Variants in ZNF236 observed in about 807,000 individuals in gnomAD.
ZNF236 encodes regulated by glucose.
In ZNF236, 50 loss-of-function variants were observed where a neutral mutation model predicts 191.2. That is an observed-to-expected ratio of 0.26 (90% CI 0.21 to 0.33). The LOEUF (loss-of-function observed/expected upper bound fraction) is 0.33, where lower values mean the gene tolerates loss of function less well. ZNF236 is among the 10% of genes least tolerant of loss of function. The probability of loss-of-function intolerance (pLI) is 1.00; values close to 1 mark genes in which losing one functional copy is unlikely to be tolerated. For synonymous variants in ZNF236, 907 were observed against 928.8 expected, an observed-to-expected ratio of 0.98 and a Z score of 0.43; for missense variants, 1,754 against 2,374.5, an observed-to-expected ratio of 0.74 and a Z score of 5.43.
intron 21 of ZNF236, among the ~76,000 whole-genome samples, chr18:76,923,673 G>T (rs1967601147): frequency 6.6e-6 from 1 of 152,040 alleles, no homozygotes; most frequent in Admixed American, 6.6e-5. Context: ...GCCTCCTAGC[G>T]GTGGGGAGGC....
At chr18:76,859,665 G>A (rs1037276286) in intron 3 of ZNF236, among the ~76,000 whole-genome samples, 1 of 152,150 alleles carries the variant, frequency 6.6e-6, no homozygotes, top group African/African-American at 2.4e-5. Flanking sequence ...TGAAACTGAA[G>A]TACCTCAATC....
chr18:76,848,818 G>A (rs1181992815), intron 1 of ZNF236, among the ~76,000 whole-genome samples: 3 of 152,062 alleles, frequency 2.0e-5, no homozygotes, highest in Admixed American at 6.6e-5. Flanking sequence ...AATACGTGCC[G>A]CCATGCCTAG....
In ZNF236 at chr18:76,851,863, C is replaced by T. The variant is rs1975884975; in HGVS notation, c.287C>T (p.Thr96Ile). ...HKCTHSGEDP[T>I]CPVCNKKFSR... ...TGCACCCACAGCGGGGAAGATCCTA[C>T]CTGCCCTGTGTGTAACAAGAAATTC... Residue 96 changes from threonine to isoleucine, a missense_variant, in exon 3 of 31, where the codon ACC (threonine) becomes ATC (isoleucine). Around this residue, in one of 5 missense-constraint regions of ZNF236, gnomAD observed 336 missense variants for 495.1 expected, o/e 0.68. Coordinates refer to ENST00000320610, the MANE Select transcript of ZNF236 (RefSeq NM_001306089.2). 2 of 1,613,976 alleles carry T rather than the reference C, an allele frequency of 1.2e-6. No homozygotes were observed. Among genetic ancestry groups the T allele is most frequent in the Non-Finnish European group, 1.7e-6 (2 of 1,179,988 alleles).
At chr18:76,952,245 A>G (rs1968427303) in intron 27 of ZNF236, among the ~76,000 whole-genome samples, 1 of 152,232 alleles carries the variant, frequency 6.6e-6, no homozygotes. Flanking sequence ...AGCAAAGTTC[A>G]ATGAAAACAA....
chr18:76,862,564 G>A (rs1219109725), intron 3 of ZNF236, among the ~76,000 whole-genome samples: 2 of 152,054 alleles, frequency 1.3e-5, no homozygotes, highest in South Asian at 2.1e-4. Flanking sequence ...TTGGAAGCCC[G>A]GCTTCCATCC....
chr18:76,920,917 G>A (rs953217685), intron 20 of ZNF236, among the ~76,000 whole-genome samples: 5 of 152,194 alleles, frequency 3.3e-5, no homozygotes, highest in Non-Finnish European at 7.3e-5. Context: ...AAGTATCAGC[G>A]TTCTCCTGAA....
At chr18:76,933,199 T>G (rs1375148651) in intron 25 of ZNF236, among the ~76,000 whole-genome samples, 1 of 152,194 alleles carries the variant, frequency 6.6e-6, no homozygotes, top group Non-Finnish European at 1.5e-5. Context: ...CCGGGCATGG[T>G]GGGTCACGCC....
In ZNF236 at chr18:76,904,483, T is replaced by C; in HGVS notation, c.1998T>C (p.Arg666=). Reference sequence around the variant, plus strand: ...CATACAAGTGTTTTTACTGTCATCGTGCATATAAAAAATCTTGCCACCTTA... The same window carrying C: ...CATACAAGTGTTTTTACTGTCATCGCGCATATAAAAAATCTTGCCACCTTA... The part of the protein sequence containing the change: ...DRPYKCFYCH[R]AYKKSCHLKQ... The change falls in exon 12 of 31, where the codon CGT becomes CGC. Residue 666 remains arginine, a synonymous_variant. Transcript: ENST00000320610. 6.2e-7 allele frequency: 1 copy of C among 1,607,586 alleles called. No homozygotes were observed. Among genetic ancestry groups the C allele is most frequent in the East Asian group, 2.3e-5 (1 of 44,378 alleles).
At chr18:76,836,931 A>G (rs1041012536) in intron 1 of ZNF236, among the ~76,000 whole-genome samples, 1 of 152,030 alleles carries the variant, frequency 6.6e-6, no homozygotes, top group South Asian at 2.1e-4. Context: ...GCTGGAGTTC[A>G]GTGGTGCAGT....
chr18:76,878,335 C>G (rs1165821212), intron 7 of ZNF236, among the ~76,000 whole-genome samples, 183 bp downstream of exon 7: 1 of 152,102 alleles, frequency 6.6e-6, no homozygotes, highest in African/African-American at 2.4e-5. Flanking sequence ...AATTAGATGA[C>G]TGATTCAGAC....
chr18:76,857,510 C>T (rs1001878392), intron 3 of ZNF236, among the ~76,000 whole-genome samples: 14 of 152,202 alleles, frequency 9.2e-5, no homozygotes, highest in Non-Finnish European at 1.6e-4. Flanking sequence ...AACCACCCTC[C>T]TTCAGGTTAC....
Position 76,827,046 on chromosome 18 carries a change from G to A in ZNF236, c.55+4384G>A, listed in dbSNP as rs140243563. On this transcript the variant is annotated intron_variant, in intron 1 of 30. Transcript: ENST00000320610. The stretch of plus-strand genomic sequence containing the variant: ...TGAGTAGCTGGCATTACAGGCATGC[G>A]CCACTATGCCCAGCTAATTTTGTAT... Among the ~76,000 whole-genome samples the A allele has an allele frequency of 2.2e-3, 337 of 151,760 alleles. 12 individuals carry two copies. In the East Asian group the frequency reaches 0.062, roughly 28 times the overall value.
rs2122517390 is a variant in ZNF236, at chr18:76,852,078, G to T, written c.363+139G>T. The stretch of plus-strand genomic sequence containing the variant: ...CAAGGAGTGAATTGTCATTAGATTT[G>T]CCTTGACACCAGTTGACTGATAAGA... On this transcript the variant is annotated intron_variant, in intron 3 of 30. Transcript: ENST00000320610. 4.7e-6 allele frequency: 4 copies of T among 855,282 alleles called. No individual in the cohort carries two copies. In the East Asian group the frequency reaches 8.2e-5, roughly 18 times the overall value. 53.0% of individuals were successfully genotyped at this position (855,282 alleles called of 1,614,324 possible).
intron 15 of ZNF236, 66 bp downstream of exon 15, chr18:76,910,235 C>T (rs1043624275): frequency 2.2e-6 from 3 of 1,358,534 alleles, no homozygotes; most frequent in African/African-American, 2.9e-5. Flanking sequence ...AATCTCATGA[C>T]AACCTTACAT....
intron 26 of ZNF236, among the ~76,000 whole-genome samples, chr18:76,938,850 C>T (rs1432900251): frequency 6.6e-6 from 1 of 152,202 alleles, no homozygotes; most frequent in Non-Finnish European, 1.5e-5. Flanking sequence ...CTGTCAGCCA[C>T]ATGTGGTGCT....
chr18:76,907,827 T>G (rs1967097919), intron 13 of ZNF236, among the ~76,000 whole-genome samples: 1 of 152,150 alleles, frequency 6.6e-6, no homozygotes, highest in Non-Finnish European at 1.5e-5. Flanking sequence ...AAAGCAACAT[T>G]TGGATCGTTG....
chr18:76,916,518 C>T (rs969745995), intron 19 of ZNF236, among the ~76,000 whole-genome samples: 5 of 152,192 alleles, frequency 3.3e-5, no homozygotes, highest in South Asian at 2.1e-4. Context: ...CACGTTAATT[C>T]GCCCAAGTCC....
chr18:76,900,636 T>TA (rs750838591), intron 11 of ZNF236, among the ~76,000 whole-genome samples: 4 of 152,216 alleles, frequency 2.6e-5, no homozygotes, highest in African/African-American at 4.8e-5. Flanking sequence ...AGATACTGCA[T>TA]ACTACACATG....
chr18:76,938,657 A>T (rs774011440), intron 26 of ZNF236, among the ~76,000 whole-genome samples: 30 of 152,160 alleles, frequency 2.0e-4, no homozygotes, highest in Non-Finnish European at 3.8e-4. Flanking sequence ...GTTGGCAAAT[A>T]GGCTTTGCCT....
Sources: allele counts gnomAD v4.1 joint callset (sites outside exome capture counted in the v4.1 genomes callset), GRCh38; gene constraint gnomAD v4.1.1; regional missense constraint gnomAD v4.1.1; transcripts MANE v1.5; gene names NCBI Gene and HGNC (gene_info 2026-07-23, HGNC 2026-07-21).